Variants in SAMMSON observed in about 807,000 individuals in gnomAD.
The protein encoded by SAMMSON is survival associated mitochondrial melanoma specific oncogenic non-coding RNA.
At chr3:70,043,820 C>T (rs1325722020) in intron 3 of SAMMSON, among the ~76,000 whole-genome samples, 1 of 151,496 alleles carries the variant, frequency 6.6e-6, no homozygotes, top group African/African-American at 2.4e-5. Context: ...AGATTTTTTT[C>T]CTTTCTGTGT....
intron 9 of SAMMSON, among the ~76,000 whole-genome samples, chr3:70,363,724 G>A (rs956170515): frequency 1.3e-5 from 2 of 151,638 alleles, no homozygotes; most frequent in African/African-American, 2.4e-5. Context: ...GAGAATGTCC[G>A]TTTCCATGAC....
chr3:70,285,070 A>C (rs73102672), intron 6 of SAMMSON, among the ~76,000 whole-genome samples: 29,572 of 146,260 alleles, frequency 0.2, 3,006 homozygotes, highest in South Asian at 0.28. Context: ...TTCTTTTATT[A>C]TTATACTTTA....
chr3:70,278,260 G>A (rs1575613532), intron 6 of SAMMSON, among the ~76,000 whole-genome samples: 1 of 152,024 alleles, frequency 6.6e-6, no homozygotes, highest in African/African-American at 2.4e-5. Context: ...TGTGTGTACC[G>A]GTAGTTCAAA....
At chr3:70,288,815 G>A (rs1487394815) in intron 6 of SAMMSON, among the ~76,000 whole-genome samples, 1 of 151,622 alleles carries the variant, frequency 6.6e-6, no homozygotes, top group African/African-American at 2.4e-5. Context: ...ATTATGTAAT[G>A]GCCTTCTTTG....
intron 2 of SAMMSON, among the ~76,000 whole-genome samples, chr3:70,411,960 A>G (rs2106769155): frequency 6.6e-6 from 1 of 152,330 alleles, no homozygotes; most frequent in Middle Eastern, 3.4e-3. Flanking sequence ...AAAAATGTAT[A>G]TACACATGAA....
chr3:70,363,497 C>T (rs923034300), intron 9 of SAMMSON, among the ~76,000 whole-genome samples: 1 of 151,908 alleles, frequency 6.6e-6, no homozygotes, highest in Non-Finnish European at 1.5e-5. Context: ...TTTCAGGGTA[C>T]AACATCTACA....
At chr3:70,246,249 T>C (rs76246904) in intron 4 of SAMMSON, among the ~76,000 whole-genome samples, 2,336 of 152,166 alleles carry the variant, frequency 0.015, 42 homozygotes, top group African/African-American at 0.051. Flanking sequence ...AAAATTTCTG[T>C]TTTGTTCACC....
At chr3:70,235,128 G>C (rs1441444849) in intron 4 of SAMMSON, among the ~76,000 whole-genome samples, 1 of 152,124 alleles carries the variant, frequency 6.6e-6, no homozygotes, top group East Asian at 1.9e-4. Flanking sequence ...GGAGAAGAAG[G>C]GGCCCTCTGT....
intron 3 of SAMMSON, among the ~76,000 whole-genome samples, chr3:70,059,110 G>A (rs1484011910): frequency 6.6e-6 from 1 of 152,052 alleles, no homozygotes; most frequent in Non-Finnish European, 1.5e-5. Context: ...CCCCAGACTT[G>A]TAGGATGATA....
At chr3:70,189,389 CT>C (rs1469125174) in intron 4 of SAMMSON, among the ~76,000 whole-genome samples, 2 of 152,128 alleles carry the variant, frequency 1.3e-5, no homozygotes, top group Non-Finnish European at 2.9e-5. Flanking sequence ...TGCAAATGTG[CT>C]GAAAGTTCAT....
At chr3:70,366,986 T>C (rs981203536) in intron 9 of SAMMSON, among the ~76,000 whole-genome samples, 2 of 151,730 alleles carry the variant, frequency 1.3e-5, no homozygotes, top group African/African-American at 4.8e-5. Flanking sequence ...TTACTGAGGT[T>C]TCCGTTCGTA....
chr3:70,275,924 C>A (rs1304869947), intron 6 of SAMMSON, among the ~76,000 whole-genome samples: 2 of 152,030 alleles, frequency 1.3e-5, no homozygotes, highest in Non-Finnish European at 2.9e-5. Flanking sequence ...CGATGCAAAT[C>A]ATGGTAACTA....
At chr3:70,328,141 T>C (rs1254967391) in intron 7 of SAMMSON, among the ~76,000 whole-genome samples, 1 of 152,158 alleles carries the variant, frequency 6.6e-6, no homozygotes, top group East Asian at 1.9e-4. Context: ...ATCACAATAA[T>C]AGCATGGGAA....
chr3:70,012,986 G>T (rs571177495), intron 2 of SAMMSON, among the ~76,000 whole-genome samples: 1 of 152,294 alleles, frequency 6.6e-6, no homozygotes, highest in East Asian at 1.9e-4. Context: ...TATCCAGTTT[G>T]TAGACTCTGG....
chr3:70,241,842 T>A (rs1287748121), intron 4 of SAMMSON, among the ~76,000 whole-genome samples: 1 of 152,230 alleles, frequency 6.6e-6, no homozygotes, highest in Non-Finnish European at 1.5e-5. Flanking sequence ...TGAAGTGATT[T>A]GCTCAAGCTC....
chr3:70,233,228 G>C (rs906174494), intron 4 of SAMMSON, among the ~76,000 whole-genome samples: 3 of 152,130 alleles, frequency 2.0e-5, no homozygotes, highest in Non-Finnish European at 4.4e-5. Flanking sequence ...GTGTAGGAAA[G>C]AGTCATAATT....
At chr3:70,086,976 T>G (rs1576118356) in intron 4 of SAMMSON, among the ~76,000 whole-genome samples, 1 of 152,198 alleles carries the variant, frequency 6.6e-6, no homozygotes, top group East Asian at 1.9e-4. Context: ...AGCTCCTGGC[T>G]GAGCCCCAAA....
chr3:70,318,932 T>G (rs894249210), intron 7 of SAMMSON, among the ~76,000 whole-genome samples: 1 of 152,062 alleles, frequency 6.6e-6, no homozygotes, highest in South Asian at 2.1e-4. Context: ...ATTTTTTAGG[T>G]GTCAAATAAA....
intron 7 of SAMMSON, among the ~76,000 whole-genome samples, chr3:70,318,152 T>A (rs1394443607): frequency 1.3e-5 from 2 of 151,996 alleles, no homozygotes; most frequent in Non-Finnish European, 2.9e-5. Context: ...GGTAAGTTGA[T>A]GTTTTTCACC....
Sources: allele counts gnomAD v4.1 joint callset (sites outside exome capture counted in the v4.1 genomes callset), GRCh38; gene constraint gnomAD v4.1.1; transcripts MANE v1.5; gene names NCBI Gene and HGNC (gene_info 2026-07-23, HGNC 2026-07-21).